Variants in VDR observed in about 807,000 individuals in gnomAD.
VDR encodes the protein vitamin D receptor.
Under a neutral mutation model 39.7 loss-of-function variants are expected in VDR, and 19 were observed. The ratio of observed to expected loss-of-function variants is 0.48; its 90% CI spans 0.33 to 0.70. The LOEUF is 0.70. VDR is among the 30% of genes least tolerant of loss of function. The pLI is 0.02. For missense variants in VDR, 442 were observed against 570.5 expected, an observed-to-expected ratio of 0.77 and a Z score of 2.29; for synonymous variants, 242 against 215.8, an observed-to-expected ratio of 1.12 and a Z score of -1.07.
intron 7 of VDR, among the ~76,000 whole-genome samples, chr12:47,853,211 G>A (rs1478504756): frequency 1.3e-5 from 2 of 152,142 alleles, no homozygotes; most frequent in African/African-American, 2.4e-5. Flanking sequence ...GGGAGGCCGA[G>A]ACAGGCGGAT....
chr12:47,855,925 T>C, intron 6 of VDR, 124 bp from the exon 7 acceptor site: 1 of 1,112,322 alleles, frequency 9.0e-7, no homozygotes, highest in Non-Finnish European at 1.3e-6. Context: ...CCACAGTGAC[T>C]CCACAGGTCA....
intron 3 of VDR, among the ~76,000 whole-genome samples, chr12:47,866,577 C>T (rs1254210645): frequency 6.6e-6 from 1 of 152,180 alleles, no homozygotes; most frequent in Non-Finnish European, 1.5e-5. Context: ...AGGCCCAAAC[C>T]ATAGCTCTAG....
intron 1 of VDR, chr12:47,899,861 A>G: frequency 1.0e-6 from 1 of 965,744 alleles, no homozygotes; most frequent in South Asian, 4.8e-5. Flanking sequence ...ATGAGGATTG[A>G]GGGAGGCAAG....
chr12:47,861,737 C>CT (rs1220048996), intron 4 of VDR, among the ~76,000 whole-genome samples: 1 of 152,136 alleles, frequency 6.6e-6, no homozygotes, highest in Non-Finnish European at 1.5e-5. Context: ...TGCTCAGAAG[C>CT]TTTTTTTGAC....
intron 6 of VDR, among the ~76,000 whole-genome samples, chr12:47,856,907 G>A (rs550617270): frequency 6.6e-5 from 10 of 152,364 alleles, no homozygotes; most frequent in Middle Eastern, 6.8e-3. Context: ...ATGCTACACA[G>A]CTGGAATCCC....
chr12:47,890,087 A>G (rs1289940646), intron 1 of VDR, among the ~76,000 whole-genome samples: 1 of 152,024 alleles, frequency 6.6e-6, no homozygotes, highest in Non-Finnish European at 1.5e-5. Flanking sequence ...GGACCAAGCA[A>G]CTAGAACATG....
At chr12:47,849,451 T>G (rs1006825178) in intron 7 of VDR, among the ~76,000 whole-genome samples, 1 of 152,266 alleles carries the variant, frequency 6.6e-6, no homozygotes, top group Non-Finnish European at 1.5e-5. Context: ...TGACCTCTTC[T>G]ATTGAGCTAC....
In VDR at chr12:47,858,250, G is replaced by T. The variant is rs187900551; in HGVS notation, c.278-562C>A. On this transcript the variant is annotated intron_variant, in intron 4 of 9. Coordinates refer to ENST00000549336, the MANE Select transcript of VDR (RefSeq NM_000376.3). The stretch of plus-strand genomic sequence containing the variant: ...TTCCATGATCCTGAAGAAGATATCA[G>T]GGTGAAGAGAGGATGCCAGAGCTCT... Among the ~76,000 whole-genome samples the T allele has an allele frequency of 3.4e-3, 524 of 152,306 alleles. 3 individuals carry two copies. Among genetic ancestry groups the T allele is most frequent in the South Asian group, 0.016 (78 of 4,824 alleles).
intron 4 of VDR, among the ~76,000 whole-genome samples, chr12:47,858,308 C>G (rs1016872069): frequency 4.6e-5 from 7 of 152,198 alleles, no homozygotes; most frequent in Admixed American, 2.6e-4. Flanking sequence ...GGAGAGGACT[C>G]CTCTATGTGG....
At position 47,857,109 on chromosome 12, in the gene VDR, A is replaced by C. The variant is rs368765369; in HGVS notation, c.583+20T>G. Reference sequence around the variant, plus strand: ...TCGCCCCCGCTCCCTTACTCTATGGAGGACTGAAGTCCTGCTTACCTGAAG... The same window carrying C: ...TCGCCCCCGCTCCCTTACTCTATGGCGGACTGAAGTCCTGCTTACCTGAAG... On this transcript the variant is annotated intron_variant, in intron 6 of 9. Coordinates refer to ENST00000549336, the MANE Select transcript of VDR (RefSeq NM_000376.3). 5.6e-6 allele frequency: 9 copies of C among 1,613,738 alleles called. No homozygotes were observed. Among genetic ancestry groups the C allele is most frequent in the African/African-American group, 1.3e-5 (1 of 74,920 alleles).
intron 1 of VDR, among the ~76,000 whole-genome samples, chr12:47,901,763 C>T (rs564677179): frequency 6.6e-5 from 10 of 152,328 alleles, no homozygotes; most frequent in Non-Finnish European, 1.5e-4. Context: ...GTCTTGGCTC[C>T]ACTATGAACC....
At chr12:47,902,707 G>A (rs922753129) in intron 1 of VDR, among the ~76,000 whole-genome samples, 3 of 152,198 alleles carry the variant, frequency 2.0e-5, no homozygotes, top group African/African-American at 7.2e-5. Flanking sequence ...ACAGGCAACA[G>A]CGAGTTTCTA....
chr12:47,857,210 A>G lies in VDR; in HGVS notation c.502T>C (p.Ser168Pro). The change falls in exon 6 of 10, where the codon TCC becomes CCC. Residue 168 changes from serine (S) to proline (P), a missense_variant. Ser to Pro is a moderately conservative substitution (Grantham distance 74, BLOSUM62 -1). Around this residue, in one of 5 missense-constraint regions of VDR, gnomAD observed 77 missense variants for 67.4 expected, o/e 1.14. Transcript: ENST00000549336. ...GGAGTGTGTCTGGAGTTGGGCCTGG[A>G]AGGATGGCTCCCTCCACCATCATTC... ...RVNDGGGSHP[S>P]RPNSRHTPSF... 6.2e-7 allele frequency: 1 copy of G among 1,614,152 alleles called. No homozygotes were observed. The highest frequency in any genetic ancestry group is 8.5e-7 in the Non-Finnish European group (1 of 1,180,018).
chr12:47,854,359 T>C (rs1033898898), intron 7 of VDR, among the ~76,000 whole-genome samples: 1 of 152,142 alleles, frequency 6.6e-6, no homozygotes, highest in East Asian at 1.9e-4. Flanking sequence ...ACTCCTGGGC[T>C]GAAGCAATCC....
In VDR at chr12:47,845,048, C is replaced by A. The variant is rs370232745; in HGVS notation, c.1025-43G>T. ...GAGAAGAAGGCACAGGAGCTCTCAGCTGGGCCCCTCACTGCTCAATCCCAC... is the reference window on the plus strand; with the variant it reads ...GAGAAGAAGGCACAGGAGCTCTCAGATGGGCCCCTCACTGCTCAATCCCAC... On this transcript the variant is annotated intron_variant, in intron 9 of 9. Coordinates refer to ENST00000549336, the MANE Select transcript of VDR (RefSeq NM_000376.3). The A allele has an allele frequency of 1.7e-4, 266 of 1,603,330 alleles. 1 individual carries two copies. Among genetic ancestry groups the A allele is most frequent in the Non-Finnish European group, 2.1e-4 (244 of 1,179,838 alleles).
At chr12:47,884,467 A>G (rs961672852) in intron 1 of VDR, among the ~76,000 whole-genome samples, 2 of 152,104 alleles carry the variant, frequency 1.3e-5, no homozygotes, top group African/African-American at 2.4e-5. Context: ...GTAGTGCCCA[A>G]CTGGGTCCTT....
intron 4 of VDR, among the ~76,000 whole-genome samples, chr12:47,858,282 G>A (rs796344198): frequency 7.2e-5 from 11 of 152,206 alleles, no homozygotes; most frequent in African/African-American, 9.7e-5. Context: ...CTCTCATAGC[G>A]CTGGAAGTGA....
chr12:47,852,062 A>G (rs1945398794), intron 7 of VDR, among the ~76,000 whole-genome samples: 1 of 152,214 alleles, frequency 6.6e-6, no homozygotes, highest in Admixed American at 6.5e-5. Context: ...GGCCTTGAGC[A>G]TGGGAGAAAT....
intron 3 of VDR, among the ~76,000 whole-genome samples, chr12:47,867,017 CA>C (rs1555152628): frequency 2.0e-5 from 3 of 150,838 alleles, no homozygotes; most frequent in Non-Finnish European, 4.4e-5. Flanking sequence ...CAAAACAAAA[CA>C]AAAAAAACCC....
Sources: gnomAD v4.1 joint callset for allele counts (sites outside exome capture counted in the v4.1 genomes callset) on GRCh38, gnomAD v4.1.1 for gene constraint, gnomAD v4.1.1 regional missense constraint, MANE v1.5 for transcripts, NCBI Gene and HGNC (gene_info 2026-07-23, HGNC 2026-07-21) for gene names.